The following TNRC18 variants were observed in gnomAD, a reference collection of about 807,000 sequenced individuals.
TNRC18 encodes trinucleotide repeat-containing gene 18 protein.
TNRC18 carries 69 observed loss-of-function variants against 226.7 expected under a neutral mutation model. That is an observed-to-expected ratio of 0.30 (90% CI 0.25 to 0.37). TNRC18 has a LOEUF of 0.37. Among genes scored for constraint, TNRC18 ranks in the 10% least tolerant of loss-of-function variants. The pLI is 1.00. For missense variants in TNRC18, 4,754 were observed against 4,256.6 expected (o/e 1.12, Z -3.25); for synonymous variants, 2,449 against 1,927.6 (o/e 1.27, Z -7.09).
chr7:5,402,446 A>G (rs28721960), intron 2 of TNRC18, among the ~76,000 whole-genome samples: 32,159 of 151,938 alleles, frequency 0.21, 7,811 homozygotes, highest in African/African-American at 0.59. Flanking sequence ...GAGGTGGGAG[A>G]ATGACTTGAG....
intron 5 of TNRC18, among the ~76,000 whole-genome samples, chr7:5,378,822 G>A (rs915207506): frequency 6.6e-6 from 1 of 152,054 alleles, no homozygotes; most frequent in Admixed American, 6.6e-5. Flanking sequence ...AAAACTAGCC[G>A]GACCTGGGCC....
At chr7:5,397,883 T>G (rs1780803307) in intron 2 of TNRC18, among the ~76,000 whole-genome samples, 1 of 152,094 alleles carries the variant, frequency 6.6e-6, no homozygotes, top group African/African-American at 2.4e-5. Context: ...GTTCCCTCCT[T>G]GAGGGCGGGG....
At chr7:5,386,800 G>A (rs1292124291) in intron 5 of TNRC18, among the ~76,000 whole-genome samples, 3 of 152,002 alleles carry the variant, frequency 2.0e-5, no homozygotes, top group Admixed American at 6.6e-5. Context: ...CAGGCTGGGG[G>A]CAGTGACTCA....
In TNRC18 at chr7:5,359,707, A is replaced by G. The variant is rs963199881; in HGVS notation, c.4662-138T>C. 8.1e-6 allele frequency: 7 copies of G among 867,908 alleles called. No homozygotes were observed. In the African/African-American group the frequency reaches 1.2e-4, roughly 15 times the overall value. 53.8% of individuals were successfully genotyped at this position (867,908 alleles called of 1,614,324 possible). A position where few individuals can be genotyped will look rare whatever the true frequency, so the allele number is the denominator to read the frequency against. ...ATGGCAGAGTGACGGGCGTGGGGAG[A>G]TGGATCTTGTAAAACAACAGTGCTG... On this transcript the variant is annotated intron_variant, in intron 14 of 29. Coordinates refer to ENST00000430969, the MANE Select transcript of TNRC18 (RefSeq NM_001080495.3).
At chr7:5,363,131 A>C (rs1793244207) in intron 11 of TNRC18, among the ~76,000 whole-genome samples, 2 of 151,484 alleles carry the variant, frequency 1.3e-5, no homozygotes, top group African/African-American at 4.9e-5. Flanking sequence ...GTGAAACCCC[A>C]CCTCTACTAA....
At chr7:5,380,994 G>A (rs1779358293) in intron 5 of TNRC18, among the ~76,000 whole-genome samples, 1 of 152,166 alleles carries the variant, frequency 6.6e-6, no homozygotes, top group African/African-American at 2.4e-5. Flanking sequence ...GGCACTTAGA[G>A]TGCAGCCTGG....
chr7:5,311,845 AG>A (rs1787249565), intron 27 of TNRC18, among the ~76,000 whole-genome samples: 1 of 151,446 alleles, frequency 6.6e-6, no homozygotes. Context: ...AAGAAAGAAA[AG>A]AAAAAGCCAG....
At position 5,376,193 on chromosome 7, in the gene TNRC18, G is replaced by T; in HGVS notation, c.2640C>A (p.Pro880=). 1.3e-6 allele frequency: 2 copies of T among 1,535,126 alleles called. No homozygotes were observed. The highest frequency in any genetic ancestry group is 1.7e-6 in the Non-Finnish European group (2 of 1,143,458). Residue 880 remains proline, a synonymous_variant, in exon 9 of 30, where the codon CCC becomes CCA. Transcript: ENST00000430969. ...CCGGCGGGTACAGGGCGGGCCAGAG[G>T]GGCGGTACGGTGGCCCGCTCCATCA... ...AELMERATVP[P]LWPALYPPGR...
In TNRC18 at chr7:5,309,079, G is replaced by C; in HGVS notation, c.8625+53C>G. The C allele has an allele frequency of 3.3e-6, 5 of 1,534,094 alleles. No individual in the cohort carries two copies. The Admixed American group carries it at 5.8e-5, about 18-fold the overall frequency. ...CAGCACCCAGAACGCCTCGCCCTCA[G>C]GTCTGCCCTACACCGCCTAGGACTG... is the stretch of plus-strand genomic sequence containing the variant. On this transcript the variant is annotated intron_variant, in intron 28 of 29. Transcript: ENST00000430969. This position sits in a 1 kb window ranked among gnomAD's most constrained non-coding sequence, Gnocchi z 5.7.
chr7:5,346,603 G>A (rs1277763108), intron 17 of TNRC18, among the ~76,000 whole-genome samples: 1 of 152,208 alleles, frequency 6.6e-6, no homozygotes, highest in Non-Finnish European at 1.5e-5. Context: ...GAGCCCAGGA[G>A]TTCCAGACCA....
Position 5,388,585 on chromosome 7 carries a change from G to T in TNRC18, c.1239C>A (p.Pro413=). The part of the protein sequence containing the change: ...EAGRPGVLQA[P]PGSPRPLDRP... ...GGTCCAGAGGCCGCGGGGAGCCGGG[G>T]GGCGCCTGCAGGACCCCTGGCCTGC... Residue 413 remains proline (P), a synonymous_variant, in exon 5 of 30, where the codon CCC becomes CCA. Coordinates refer to ENST00000430969, the MANE Select transcript of TNRC18 (RefSeq NM_001080495.3). 2 of 1,300,726 alleles carry T rather than the reference G, an allele frequency of 1.5e-6. No homozygotes were observed. Among genetic ancestry groups the T allele is most frequent in the Non-Finnish European group, 1.9e-6 (2 of 1,025,640 alleles). The allele number at this position is 1,300,726 out of a possible 1,614,324, so 80.6% of individuals were successfully genotyped here.
At chr7:5,406,819 C>A (rs1270351241) in intron 2 of TNRC18, among the ~76,000 whole-genome samples, 2 of 149,030 alleles carry the variant, frequency 1.3e-5, no homozygotes, top group African/African-American at 5.0e-5. Context: ...CCACGGCACT[C>A]CAGCCTGGGC....
chr7:5,356,783 G>T (rs1169369684), intron 16 of TNRC18, 133 bp downstream of exon 16: 86 of 1,299,308 alleles, frequency 6.6e-5, no homozygotes, highest in Non-Finnish European at 8.5e-5. Context: ...CTCAGGCACT[G>T]TAGTGCGCCC....
At chr7:5,348,998 G>C (rs1439531445) in intron 17 of TNRC18, among the ~76,000 whole-genome samples, 1 of 152,174 alleles carries the variant, frequency 6.6e-6, no homozygotes, top group Non-Finnish European at 1.5e-5. Context: ...GGTTGGACGT[G>C]AGGCCAGGGA....
chr7:5,390,853 C>G (rs561872623), intron 3 of TNRC18, among the ~76,000 whole-genome samples: 8 of 152,138 alleles, frequency 5.3e-5, no homozygotes, highest in South Asian at 2.1e-4. Flanking sequence ...CCAGTCCCCC[C>G]CAGAAAGAGG....
Position 5,374,159 on chromosome 7 carries a change from G to A in TNRC18, c.3125C>T (p.Thr1042Ile), listed in dbSNP as rs763063733. 1.5e-5 allele frequency: 23 copies of A among 1,492,910 alleles called. No homozygotes were observed. The highest frequency in any genetic ancestry group is 2.5e-4 in the Middle Eastern group (1 of 4,032). 92.5% of individuals were successfully genotyped at this position (1,492,910 alleles called of 1,614,324 possible). The change falls in exon 10 of 30, where the codon ACC (threonine) becomes ATC (isoleucine). Residue 1042 changes from threonine (T) to isoleucine (I), a missense_variant. By Grantham distance (89) the Thr-to-Ile change is moderately conservative (BLOSUM62 -1). Transcript: ENST00000430969. ...TSPPPASPPP[T>I]PGITRKEEAP... ...CTCCTCCTTGCGGGTGATACCCGGG[G>A]TGGGCGGTGGGGAGGCGGGCGGCGG...
intron 16 of TNRC18, 113 bp downstream of exon 16, chr7:5,356,803 A>C (rs1437182721): frequency 1.9e-5 from 26 of 1,366,394 alleles, no homozygotes; most frequent in African/African-American, 1.1e-4. Context: ...CCAGAGAGAG[A>C]GCGAGAGCGA....
At chr7:5,328,217 G>A (rs901668154) in intron 19 of TNRC18, among the ~76,000 whole-genome samples, 6 of 148,104 alleles carry the variant, frequency 4.1e-5, no homozygotes, top group African/African-American at 7.5e-5. Context: ...AGACTCTGTC[G>A]CAAAAAACAA....
chr7:5,401,904 G>A (rs1176488805), intron 2 of TNRC18, among the ~76,000 whole-genome samples: 1 of 152,138 alleles, frequency 6.6e-6, no homozygotes, highest in Non-Finnish European at 1.5e-5. Context: ...GGCCGGGCGT[G>A]GTGGCTCACA....
Sources: gnomAD v4.1 joint callset for allele counts (sites outside exome capture counted in the v4.1 genomes callset) on GRCh38, gnomAD v4.1.1 for gene constraint, Gnocchi (gnomAD v3.1) non-coding constraint, MANE v1.5 for transcripts, NCBI Gene and HGNC (gene_info 2026-07-23, HGNC 2026-07-21) for gene names.